Variants in ZMAT4 observed in about 807,000 individuals in gnomAD.
The protein encoded by ZMAT4 is zinc finger matrin-type protein 4.
A neutral mutation model predicts 28.7 loss-of-function variants in ZMAT4; 17 were observed. The ratio of observed to expected loss-of-function variants is 0.59; its 90% confidence interval spans 0.41 to 0.89. The LOEUF (loss-of-function observed/expected upper bound fraction) is 0.89, where lower values mean the gene tolerates loss of function less well. Among genes scored for constraint, ZMAT4 ranks in the 40% least tolerant of loss-of-function variants. The probability of loss-of-function intolerance (pLI) is 0.00; values close to 1 mark genes in which losing one functional copy is unlikely to be tolerated. For synonymous variants in ZMAT4, 117 were observed against 109.2 expected, an observed-to-expected ratio of 1.07 and a Z score of -0.44; for missense variants, 240 against 283.8, an observed-to-expected ratio of 0.85 and a Z score of 1.11.
intron 6 of ZMAT4, among the ~76,000 whole-genome samples, chr8:40,578,476 A>G (rs1305185872): frequency 6.6e-6 from 1 of 152,188 alleles, no homozygotes; most frequent in Non-Finnish European, 1.5e-5. Context: ...AAATTTAACC[A>G]TAAAAAAAGA....
At chr8:40,631,366 C>G (rs1245622385) in intron 5 of ZMAT4, among the ~76,000 whole-genome samples, 1 of 152,102 alleles carries the variant, frequency 6.6e-6, no homozygotes, top group Non-Finnish European at 1.5e-5. Flanking sequence ...CCATGTTGGC[C>G]AGGCTGGTCT....
chr8:40,612,811 G>GT (rs57134245), intron 5 of ZMAT4, among the ~76,000 whole-genome samples: 2,495 of 86,174 alleles, frequency 0.029, 183 homozygotes, highest in African/African-American at 0.067. Context: ...TTTGGTTTTT[G>GT]TTTTTTTTTT....
At chr8:40,635,734 G>A (rs771557739) in intron 5 of ZMAT4, among the ~76,000 whole-genome samples, 74 of 152,024 alleles carry the variant, frequency 4.9e-4, no homozygotes, top group Non-Finnish European at 9.3e-4. Context: ...CTCTACATCC[G>A]CAATGATCTT....
chr8:40,546,492 C>G (rs970433222), intron 6 of ZMAT4, among the ~76,000 whole-genome samples: 1 of 152,132 alleles, frequency 6.6e-6, no homozygotes, highest in African/African-American at 2.4e-5. Flanking sequence ...AAATTTGGGG[C>G]TGAAAAACAG....
intron 2 of ZMAT4, among the ~76,000 whole-genome samples, chr8:40,823,084 C>T (rs986241844): frequency 6.6e-6 from 1 of 152,094 alleles, no homozygotes; most frequent in Non-Finnish European, 1.5e-5. Flanking sequence ...CGTTACTTTT[C>T]TAGTCAGGCA....
chr8:40,884,119 G>A (rs11779386), intron 1 of ZMAT4, among the ~76,000 whole-genome samples: 14,811 of 152,116 alleles, frequency 0.097, 807 homozygotes, highest in Non-Finnish European at 0.12. Flanking sequence ...GTCCTGTCTC[G>A]AAGCTTGTGA....
intron 1 of ZMAT4, among the ~76,000 whole-genome samples, chr8:40,892,104 C>T (rs527469226): frequency 5.2e-4 from 79 of 152,298 alleles, no homozygotes; most frequent in Non-Finnish European, 8.5e-4. Flanking sequence ...CCTCCCTGAA[C>T]GCCCTCACAT....
At chr8:40,739,565 A>G (rs1811914677) in intron 3 of ZMAT4, among the ~76,000 whole-genome samples, 1 of 152,182 alleles carries the variant, frequency 6.6e-6, no homozygotes. Context: ...ACAGGAAGAA[A>G]AGAGCTGACA....
chr8:40,565,682 C>T (rs896873826), intron 6 of ZMAT4, among the ~76,000 whole-genome samples: 3 of 151,836 alleles, frequency 2.0e-5, no homozygotes, highest in African/African-American at 7.3e-5. Flanking sequence ...CTGGTCATTG[C>T]CACCATCTTT....
intron 1 of ZMAT4, among the ~76,000 whole-genome samples, chr8:40,892,582 A>C (rs1258327448): frequency 6.6e-6 from 1 of 152,220 alleles, no homozygotes; most frequent in Non-Finnish European, 1.5e-5. Flanking sequence ...TGGTCTATTC[A>C]ATTTGGAAAC....
intron 1 of ZMAT4, among the ~76,000 whole-genome samples, chr8:40,859,583 A>G (rs777263026): frequency 1.3e-5 from 2 of 152,172 alleles, no homozygotes; most frequent in African/African-American, 2.4e-5. Flanking sequence ...GACAACCCCA[A>G]TTAAGGACAG....
At chr8:40,844,664 T>C (rs1411765026) in intron 1 of ZMAT4, among the ~76,000 whole-genome samples, 1 of 133,026 alleles carries the variant, frequency 7.5e-6, no homozygotes, top group Admixed American at 7.4e-5. Context: ...ATTCTGTGTG[T>C]GTGTGTGTGT....
At chr8:40,775,862 C>T (rs1431207972) in intron 2 of ZMAT4, among the ~76,000 whole-genome samples, 1 of 152,144 alleles carries the variant, frequency 6.6e-6, no homozygotes, top group African/African-American at 2.4e-5. Flanking sequence ...GGGGCCCTAA[C>T]TGATAGGACC....
intron 4 of ZMAT4, among the ~76,000 whole-genome samples, chr8:40,679,760 T>C (rs1563407237): frequency 6.6e-6 from 1 of 152,212 alleles, no homozygotes; most frequent in African/African-American, 2.4e-5. Flanking sequence ...CCTCATTCTG[T>C]AATTGTCTAC....
intron 5 of ZMAT4, among the ~76,000 whole-genome samples, chr8:40,609,531 T>C (rs1444115130): frequency 6.6e-6 from 1 of 152,148 alleles, no homozygotes; most frequent in Non-Finnish European, 1.5e-5. Context: ...CTCTCCATTT[T>C]CTCCCTTTCA....
At chr8:40,791,308 G>A (rs1814313114) in intron 2 of ZMAT4, among the ~76,000 whole-genome samples, 1 of 152,140 alleles carries the variant, frequency 6.6e-6, no homozygotes. Flanking sequence ...GGAATAAGAG[G>A]TAACATGGAA....
intron 3 of ZMAT4, among the ~76,000 whole-genome samples, chr8:40,736,852 G>A (rs983811701): frequency 1.3e-5 from 2 of 152,168 alleles, no homozygotes; most frequent in Admixed American, 1.3e-4. Flanking sequence ...CAACAGAGAC[G>A]AGGTACTCAT....
chr8:40,784,543 T>A (rs1813983420), intron 2 of ZMAT4, among the ~76,000 whole-genome samples: 1 of 152,302 alleles, frequency 6.6e-6, no homozygotes, highest in East Asian at 1.9e-4. Flanking sequence ...TGCTGCCGAA[T>A]ATAGCACTGG....
At chr8:40,743,390 A>T (rs1812092844) in intron 3 of ZMAT4, among the ~76,000 whole-genome samples, 1 of 152,312 alleles carries the variant, frequency 6.6e-6, no homozygotes, top group East Asian at 1.9e-4. Flanking sequence ...AGCCCCAGAC[A>T]GCGGATTGGA....
Sources: allele counts gnomAD v4.1 joint callset (sites outside exome capture counted in the v4.1 genomes callset), GRCh38; gene constraint gnomAD v4.1.1; transcripts MANE v1.5; gene names NCBI Gene and HGNC (gene_info 2026-07-23, HGNC 2026-07-21).